OSBPL10: variants seen among roughly 807,000 people sequenced by gnomAD.
OSBPL10 encodes the protein oxysterol-binding protein-related protein 10.
A neutral mutation model predicts 81.7 loss-of-function variants in OSBPL10; 49 were observed. That is an observed-to-expected ratio of 0.60 (90% confidence interval 0.48 to 0.76). The LOEUF is 0.76. Among genes scored for constraint, OSBPL10 ranks in the 30% least tolerant of loss-of-function variants. The pLI is 0.00. For synonymous variants in OSBPL10, 419 were observed against 383.6 expected (o/e 1.09, Z -1.08); for missense variants, 923 against 987.8 (o/e 0.93, Z 0.88).
chr3:32,025,309 AT>A (rs1699393794), intron 2 of OSBPL10, among the ~76,000 whole-genome samples: 1 of 152,156 alleles, frequency 6.6e-6, no homozygotes, highest in South Asian at 2.1e-4. Context: ...TTGAATGTTA[AT>A]TCAACCTTGC....
At chr3:31,780,660 A>T (rs763543564) in intron 4 of OSBPL10, among the ~76,000 whole-genome samples, 1 of 152,198 alleles carries the variant, frequency 6.6e-6, no homozygotes, top group Non-Finnish European at 1.5e-5. Context: ...GCAAAAGATC[A>T]TTCAAGGCAA....
At chr3:31,927,427 C>T (rs1175564350) in intron 1 of OSBPL10, among the ~76,000 whole-genome samples, 1 of 152,182 alleles carries the variant, frequency 6.6e-6, no homozygotes, top group Non-Finnish European at 1.5e-5. Flanking sequence ...AAGAAATCTC[C>T]ACTCTTCAAC....
intron 2 of OSBPL10, among the ~76,000 whole-genome samples, chr3:32,026,057 T>TGATAGATAGATGATTGATAGATA (rs1699406473): frequency 4.5e-5 from 5 of 111,230 alleles, no homozygotes; most frequent in African/African-American, 1.0e-4. Flanking sequence ...GATAGATAGA[T>TGATAGATAGATGATTGATAGATA]GATAGATAGA....
chr3:31,878,228 C>T (rs1701528091), intron 2 of OSBPL10, among the ~76,000 whole-genome samples: 1 of 152,118 alleles, frequency 6.6e-6, no homozygotes. Flanking sequence ...CAAGATGGCT[C>T]AATTGTCAAA....
In OSBPL10 at chr3:31,769,474, A is replaced by AC. The variant is rs1698308800; in HGVS notation, c.730-21355_730-21354insG. Among the ~76,000 whole-genome samples, 2 of 142,232 alleles carry AC rather than the reference A, an allele frequency of 1.4e-5. 1 individual carries two copies. The highest frequency in any genetic ancestry group is 4.0e-4 in the East Asian group (2 of 5,034). The allele number at this position is 142,232 out of a possible 152,430, so 93.3% of individuals were successfully genotyped here. A position where few individuals can be genotyped will look rare whatever the true frequency, so the allele number is the denominator to read the frequency against. On this transcript the variant is annotated intron_variant, in intron 4 of 11. Coordinates refer to ENST00000396556, the MANE Select transcript of OSBPL10 (RefSeq NM_017784.5). ...AAAAAAAAAACAAAAAAAAAACAAA[A>AC]AAAAACAGAATAAAAATATATTTTA...
In OSBPL10 at chr3:31,866,766, A is replaced by T. The variant is rs566544700; in HGVS notation, c.537+9667T>A. ...GTCCAGACCCCAGTGGACGGGGGTA[A>T]GACAGGGCTCTTACTACCACAAGGC... On this transcript the variant is annotated intron_variant, in intron 3 of 11. Transcript: ENST00000396556. Among the ~76,000 whole-genome samples, 3 of 152,256 alleles carry T rather than the reference A, an allele frequency of 2.0e-5. No individual in the cohort carries two copies. In the South Asian group the frequency reaches 6.2e-4, roughly 32 times the overall value.
At chr3:31,710,316 CGAG>C (rs1367166553) in intron 6 of OSBPL10, among the ~76,000 whole-genome samples, 1 of 152,168 alleles carries the variant, frequency 6.6e-6, no homozygotes, top group African/African-American at 2.4e-5. Context: ...CATGCTCTGA[CGAG>C]GCCTGTGACG....
chr3:31,773,272 C>G (rs1177964749), intron 4 of OSBPL10, among the ~76,000 whole-genome samples: 1 of 152,176 alleles, frequency 6.6e-6, no homozygotes, highest in Non-Finnish European at 1.5e-5. Context: ...CACTATAACT[C>G]ACACGAGCAT....
intron 1 of OSBPL10, among the ~76,000 whole-genome samples, chr3:32,053,612 T>C (rs939487636): frequency 6.6e-6 from 1 of 152,152 alleles, no homozygotes; most frequent in African/African-American, 2.4e-5. Flanking sequence ...GGGTTTGATA[T>C]CAGTAGTACA....
chr3:32,024,117 T>C (rs949586096), intron 2 of OSBPL10, among the ~76,000 whole-genome samples: 8 of 152,200 alleles, frequency 5.3e-5, no homozygotes, highest in African/African-American at 1.9e-4. Context: ...GTTTTAATGG[T>C]AAATTTTGAC....
At chr3:31,801,339 AG>A (rs977983163) in intron 4 of OSBPL10, among the ~76,000 whole-genome samples, 47 of 152,304 alleles carry the variant, frequency 3.1e-4, no homozygotes, top group African/African-American at 9.1e-4. Context: ...ACACATGCAG[AG>A]GAAGGAATGA....
At chr3:31,947,572 G>A (rs1204520375) in intron 1 of OSBPL10, among the ~76,000 whole-genome samples, 6 of 152,164 alleles carry the variant, frequency 3.9e-5, no homozygotes, top group Middle Eastern at 6.8e-3. Context: ...CAATTCCTGC[G>A]ACAGCACTGA....
chr3:31,824,349 C>T (rs924951393), intron 4 of OSBPL10, among the ~76,000 whole-genome samples: 19 of 152,096 alleles, frequency 1.2e-4, no homozygotes, highest in African/African-American at 4.6e-4. Flanking sequence ...ATTGTCTTTG[C>T]AATTTAACCT....
intron 3 of OSBPL10, among the ~76,000 whole-genome samples, chr3:31,848,053 A>C (rs1700675747): frequency 6.6e-6 from 1 of 152,142 alleles, no homozygotes; most frequent in South Asian, 2.1e-4. Flanking sequence ...AGCGGAGAGC[A>C]GGGACCCTGG....
chr3:31,859,649 T>A (rs1701012535), intron 3 of OSBPL10, among the ~76,000 whole-genome samples: 1 of 152,208 alleles, frequency 6.6e-6, no homozygotes, highest in South Asian at 2.1e-4. Flanking sequence ...CCTCACCAGA[T>A]GCTGGTCCCT....
rs146019388 is a variant in OSBPL10, at chr3:31,958,629, T to C, written c.281+22270A>G. 6.3e-3 allele frequency among the ~76,000 whole-genome samples: 952 copies of C among 152,312 alleles called. 10 individuals carry two copies. Among genetic ancestry groups the C allele is most frequent in the African/African-American group, 0.021 (886 of 41,574 alleles). ...ACTTTTCAATAACACAAAGCATCTT[T>C]CTCACCATGGATGCTACATTTCAAC... On this transcript the variant is annotated intron_variant, in intron 1 of 11. Transcript: ENST00000396556.
chr3:31,762,130 T>C (rs553888749), intron 4 of OSBPL10, among the ~76,000 whole-genome samples: 1 of 152,292 alleles, frequency 6.6e-6, no homozygotes, highest in African/African-American at 2.4e-5. Flanking sequence ...TGCCTAGTTA[T>C]GATGTCCCCA....
At chr3:31,972,568 T>C (rs1423295898) in intron 1 of OSBPL10, among the ~76,000 whole-genome samples, 1 of 152,124 alleles carries the variant, frequency 6.6e-6, no homozygotes, top group Non-Finnish European at 1.5e-5. Flanking sequence ...ATCTACTCGA[T>C]TGCCCTGAAC....
chr3:31,930,003 C>CAAACAAAA lies in OSBPL10; in HGVS notation c.282-50174_282-50173insTTTTGTTT, dbSNP rs1306473764. 1.9e-3 allele frequency among the ~76,000 whole-genome samples: 138 copies of CAAACAAAA among 72,566 alleles called. 20 individuals are homozygous for CAAACAAAA. The highest frequency in any genetic ancestry group is 0.014 in the Middle Eastern group (1 of 74). 47.6% of individuals were successfully genotyped at this position (72,566 alleles called of 152,430 possible). A position where few individuals can be genotyped will look rare whatever the true frequency, so the allele number is the denominator to read the frequency against. ...GATCAAGTGAGACCCTGTCACCAAC[C>CAAACAAAA]AAAAAAAAAAAAAAAAAAAAAAACA... On this transcript the variant is annotated intron_variant, in intron 1 of 11. Coordinates refer to ENST00000396556, the MANE Select transcript of OSBPL10 (RefSeq NM_017784.5).
Sources: allele counts gnomAD v4.1 joint callset (sites outside exome capture counted in the v4.1 genomes callset), GRCh38; gene constraint gnomAD v4.1.1; transcripts MANE v1.5; gene names NCBI Gene and HGNC (gene_info 2026-07-23, HGNC 2026-07-21).